PSMG4: variants seen among roughly 807,000 people sequenced by gnomAD.
The protein encoded by PSMG4 is proteasome (prosome, macropain) assembly chaperone 4.
Under a neutral mutation model 11.0 loss-of-function variants are expected in PSMG4, and 10 were observed. That is an observed-to-expected ratio of 0.91 (90% CI 0.56 to 1.54). The LOEUF is 1.54. Among genes scored for constraint, PSMG4 ranks in the 40% most tolerant of loss-of-function variants. PSMG4 has a pLI of 0.00. For missense variants in PSMG4, 198 were observed against 160.9 expected, an observed-to-expected ratio of 1.23 and a Z score of -1.25; for synonymous variants, 95 against 71.3, an observed-to-expected ratio of 1.33 and a Z score of -1.68.
At chr6:3,261,203 G>A (rs935463292) in intron 1 of PSMG4, among the ~76,000 whole-genome samples, 1 of 150,626 alleles carries the variant, frequency 6.6e-6, no homozygotes, top group East Asian at 2.0e-4. Flanking sequence ...GATGGCATCT[G>A]GATTCCTTTC....
intron 1 of PSMG4, among the ~76,000 whole-genome samples, chr6:3,259,728 G>A (rs149956374): frequency 6.6e-5 from 10 of 152,166 alleles, no homozygotes; most frequent in Non-Finnish European, 1.3e-4. Flanking sequence ...CACACTCCAC[G>A]TGCTGAGTCC....
At chr6:3,258,852 C>A (rs1581545597), upstream of PSMG4, 4 of 581,136 alleles carry the variant, frequency 6.9e-6, no homozygotes, top group East Asian at 1.4e-4. Flanking sequence ...GACCACGCCC[C>A]CAACCCAAGC....
intron 2 of PSMG4, chr6:3,266,729 G>T (rs1166729367): frequency 3.1e-5 from 1 of 32,732 alleles, no homozygotes; most frequent in South Asian, 6.9e-4. Flanking sequence ...ATGCCTATCT[G>T]TGCACACACA....
chr6:3,255,306 G>A (rs1433497568), upstream of PSMG4: 3 of 1,516,278 alleles, frequency 2.0e-6, no homozygotes, highest in Non-Finnish European at 2.7e-6. Flanking sequence ...CTGGGAGAGT[G>A]GTGGATGAGG....
chr6:3,267,789 A>T lies in PSMG4; in HGVS notation c.*77A>T. 7.0e-7 allele frequency: 1 copy of T among 1,433,434 alleles called. No homozygotes were observed. 88.8% of individuals were successfully genotyped at this position (1,433,434 alleles called of 1,614,324 possible). ...TAAATGGATTGAATTTCAGTTTGTC[A>T]TCAGGCCGCGCTCCCGTTTTGTTTT... On this transcript the variant is annotated 3_prime_UTR_variant, in exon 3 of 3. Transcript: ENST00000438998.
chr6:3,261,417 G>T (rs1203463655), intron 1 of PSMG4, among the ~76,000 whole-genome samples: 1 of 152,080 alleles, frequency 6.6e-6, no homozygotes, highest in East Asian at 1.9e-4. Context: ...TGGTGTCGCT[G>T]CCTTGTGCCA....
At chr6:3,256,850 A>C (rs1379400956), upstream of PSMG4, among the ~76,000 whole-genome samples, 5 of 152,096 alleles carry the variant, frequency 3.3e-5, no homozygotes, top group Non-Finnish European at 7.4e-5. Context: ...ACTCTAGAGG[A>C]GGCCGTGGCA....
upstream of PSMG4, chr6:3,255,254 C>G (rs1314408307): frequency 4.5e-6 from 7 of 1,547,936 alleles, no homozygotes; most frequent in Admixed American, 2.0e-5. Flanking sequence ...CTGTTGGGTT[C>G]TGTGTTACCA....
At chr6:3,258,181 T>C (rs1757830364), upstream of PSMG4, among the ~76,000 whole-genome samples, 1 of 22,122 alleles carries the variant, frequency 4.5e-5, no homozygotes, top group African/African-American at 5.9e-5. Context: ...AATGGGATGA[T>C]TGGATGATTG....
intron 1 of PSMG4, among the ~76,000 whole-genome samples, chr6:3,260,592 C>G (rs184673705): frequency 1.3e-5 from 2 of 152,262 alleles, no homozygotes; most frequent in East Asian, 3.9e-4. Flanking sequence ...TTATGCTAAT[C>G]TTTATCCTAA....
chr6:3,264,564 C>T (rs934808881), intron 2 of PSMG4: 14 of 657,754 alleles, frequency 2.1e-5, no homozygotes, highest in African/African-American at 1.8e-4. Flanking sequence ...GAAGGCAGGG[C>T]AGGGTGGAGT....
intron 1 of PSMG4, among the ~76,000 whole-genome samples, chr6:3,260,890 A>G (rs1581550223): frequency 1.3e-5 from 2 of 152,174 alleles, no homozygotes; most frequent in African/African-American, 2.4e-5. Context: ...GGGCTCTGTT[A>G]CCTCTTAGAG....
intron 2 of PSMG4, 34 bp from the exon 3 acceptor site, chr6:3,267,557 G>A: frequency 1.9e-6 from 3 of 1,548,258 alleles, no homozygotes; most frequent in Non-Finnish European, 2.6e-6. Flanking sequence ...CAGTATTTCA[G>A]GAGTGGCTGT....
chr6:3,263,659 AGTGTGC>A lies in PSMG4; in HGVS notation c.175-24_175-19del, dbSNP rs1209227906. ...GGCCTGCGGGGGGTGGAGAAGCTGCAGTGTGCCCTTTGCTTTTCTTTTAGGACTCCA... is the reference window on the plus strand; with the variant it reads ...GGCCTGCGGGGGGTGGAGAAGCTGCACCTTTGCTTTTCTTTTAGGACTCCA... On this transcript the variant is annotated intron_variant, in intron 1 of 2. Coordinates refer to ENST00000438998, the MANE Select transcript of PSMG4 (RefSeq NM_001128591.2). The A allele has an allele frequency of 6.6e-7, 1 of 1,519,494 alleles. No individual in the cohort carries two copies. The highest frequency in any genetic ancestry group is 8.8e-7 in the Non-Finnish European group (1 of 1,131,798). The allele number at this position is 1,519,494 out of a possible 1,614,324, so 94.1% of individuals were successfully genotyped here. A position where few individuals can be genotyped will look rare whatever the true frequency, so the allele number is the denominator to read the frequency against.
upstream of PSMG4, among the ~76,000 whole-genome samples, chr6:3,254,848 T>C (rs1042876910): frequency 3.9e-5 from 6 of 152,198 alleles, no homozygotes; most frequent in South Asian, 4.1e-4. Flanking sequence ...GAAAACACTT[T>C]AACTCAGGGT....
In PSMG4 at chr6:3,267,732, A is replaced by AT. The variant is rs1407649957; in HGVS notation, c.*23dup. 6.4e-7 allele frequency: 1 copy of AT among 1,550,414 alleles called. No homozygotes were observed. Among genetic ancestry groups the AT allele is most frequent in the South Asian group, 1.2e-5 (1 of 83,950 alleles). On this transcript the variant is annotated 3_prime_UTR_variant, in exon 3 of 3. Coordinates refer to ENST00000438998, the MANE Select transcript of PSMG4 (RefSeq NM_001128591.2). ...TTCTAGCTGAGTGGCAGAAGTGAGAATTTGTAAACTTATGTACAATGTACG... is the reference window on the plus strand; with the variant it reads ...TTCTAGCTGAGTGGCAGAAGTGAGAATTTTGTAAACTTATGTACAATGTACG...
intron 1 of PSMG4, among the ~76,000 whole-genome samples, chr6:3,259,572 A>G (rs1031864422): frequency 3.3e-5 from 5 of 152,124 alleles, no homozygotes; most frequent in African/African-American, 1.2e-4. Context: ...TCTCCACTGG[A>G]TGTCTCAGGC....
chr6:3,263,425 C>T (rs1367157541), intron 1 of PSMG4, among the ~76,000 whole-genome samples: 3 of 152,246 alleles, frequency 2.0e-5, no homozygotes, highest in African/African-American at 4.8e-5. Flanking sequence ...ACGAGCCTTT[C>T]GTGTGAAACT....
intron 2 of PSMG4, chr6:3,267,170 ATT>A (rs11305981): frequency 0.12 from 17,179 of 148,014 alleles, 1,618 homozygotes; most frequent in African/African-American, 0.26. Flanking sequence ...TTGTGTTTAA[ATT>A]TTTTTTTTTT....
Sources: gnomAD v4.1 joint callset for allele counts (sites outside exome capture counted in the v4.1 genomes callset) on GRCh38, gnomAD v4.1.1 for gene constraint, MANE v1.5 for transcripts, NCBI Gene and HGNC (gene_info 2026-07-23, HGNC 2026-07-21) for gene names.